The following AGBL4 variants were observed in gnomAD, a reference collection of about 807,000 sequenced individuals.
The protein encoded by AGBL4 is AGBL carboxypeptidase 4.
A neutral mutation model predicts 66.4 loss-of-function variants in AGBL4; 58 were observed. That is an observed-to-expected ratio of 0.87 (90% CI 0.71 to 1.09). AGBL4 has a LOEUF of 1.09. Ranked by LOEUF, AGBL4 falls within the 50% of genes least tolerant of loss-of-function variation. The probability of loss-of-function intolerance (pLI) is 0.00; values close to 1 mark genes in which losing one functional copy is unlikely to be tolerated. For missense variants in AGBL4, 579 were observed against 631.0 expected, an observed-to-expected ratio of 0.92 and a Z score of 0.88; for synonymous variants, 234 against 222.9, an observed-to-expected ratio of 1.05 and a Z score of -0.44.
chr1:49,114,959 G>A (rs578083266), intron 4 of AGBL4, among the ~76,000 whole-genome samples: 32 of 152,218 alleles, frequency 2.1e-4, no homozygotes, highest in Middle Eastern at 6.8e-3. Context: ...GAATTACCAA[G>A]ATGTGACACA....
chr1:49,347,329 G>A (rs1267379672), intron 3 of AGBL4, among the ~76,000 whole-genome samples: 1 of 147,308 alleles, frequency 6.8e-6, no homozygotes, highest in African/African-American at 2.5e-5. Context: ...TCAGCTCACT[G>A]CAAGCTCTGC....
At chr1:49,660,598 T>C (rs1034553768) in intron 3 of AGBL4, among the ~76,000 whole-genome samples, 17 of 152,200 alleles carry the variant, frequency 1.1e-4, no homozygotes, top group Admixed American at 6.5e-5. Context: ...ATCCCATTAC[T>C]GGGTATATAC....
At chr1:49,284,379 A>G (rs1259714640) in intron 3 of AGBL4, among the ~76,000 whole-genome samples, 16 of 152,208 alleles carry the variant, frequency 1.1e-4, no homozygotes, top group Non-Finnish European at 2.9e-5. Context: ...GAAGCGCTAA[A>G]CAGGGAAAGG....
chr1:48,884,246 C>T (rs1364976545), intron 5 of AGBL4, among the ~76,000 whole-genome samples: 1 of 152,198 alleles, frequency 6.6e-6, no homozygotes, highest in African/African-American at 2.4e-5. Flanking sequence ...ACCATTCTCA[C>T]ACAGGTGAGG....
At chr1:49,694,621 G>C (rs1371438290) in intron 3 of AGBL4, among the ~76,000 whole-genome samples, 1 of 152,102 alleles carries the variant, frequency 6.6e-6, no homozygotes, top group Non-Finnish European at 1.5e-5. Context: ...CAACTCTCTT[G>C]TAAGAGTAAC....
chr1:49,230,543 C>T (rs1650233415), intron 4 of AGBL4, among the ~76,000 whole-genome samples: 1 of 152,124 alleles, frequency 6.6e-6, no homozygotes, highest in Non-Finnish European at 1.5e-5. Flanking sequence ...GAAAACTCAC[C>T]CTCTGCCTAG....
intron 3 of AGBL4, among the ~76,000 whole-genome samples, chr1:49,613,964 G>C (rs1173052489): frequency 6.6e-6 from 1 of 152,096 alleles, no homozygotes; most frequent in Non-Finnish European, 1.5e-5. Context: ...GTGAGAAATG[G>C]AAAATATGTT....
chr1:49,372,613 TTCTTTCTTTC>T (rs1272834238), intron 3 of AGBL4, among the ~76,000 whole-genome samples: 33 of 22,962 alleles, frequency 1.4e-3, no homozygotes, highest in African/African-American at 5.9e-3. Context: ...TTCTTTTTCT[TTCTTTCTTTC>T]TTTCTTTCTT....
intron 3 of AGBL4, among the ~76,000 whole-genome samples, chr1:49,336,258 A>T (rs1645435636): frequency 6.6e-6 from 1 of 152,102 alleles, no homozygotes; most frequent in Non-Finnish European, 1.5e-5. Flanking sequence ...TTCCAGTCTG[A>T]CTTTGATCCA....
intron 4 of AGBL4, among the ~76,000 whole-genome samples, chr1:49,162,806 T>C (rs903458310): frequency 1.3e-5 from 2 of 152,152 alleles, no homozygotes; most frequent in African/African-American, 4.8e-5. Flanking sequence ...CTCAATATAA[T>C]TGTGAGATTT....
intron 4 of AGBL4, among the ~76,000 whole-genome samples, chr1:49,111,485 A>C (rs535675197): frequency 6.6e-6 from 1 of 152,264 alleles, no homozygotes; most frequent in African/African-American, 2.4e-5. Flanking sequence ...ATTTGGCATG[A>C]TCTTCTGTGC....
intron 5 of AGBL4, among the ~76,000 whole-genome samples, chr1:48,878,446 T>A: frequency 6.6e-6 from 1 of 152,190 alleles, no homozygotes; most frequent in East Asian, 1.9e-4. Context: ...GTCAGTTAAA[T>A]ACTTTGAAAT....
rs566237477 is a variant in AGBL4 at position 48,881,161 on chromosome 1, T to C, written c.595-13931A>G. On this transcript the variant is annotated intron_variant, in intron 5 of 13. Transcript: ENST00000371839. ...ATTACTCTTTGTTCATATTGCCACA[T>C]TGATTTCCAGTAGGATCACTCCAGT... Among the ~76,000 whole-genome samples the C allele has an allele frequency of 2.3e-4, 35 of 152,312 alleles. No homozygotes were observed. The Middle Eastern group carries it at 0.014, about 59-fold the overall frequency.
chr1:49,504,895 A>G (rs1648535179), intron 3 of AGBL4, among the ~76,000 whole-genome samples: 2 of 151,702 alleles, frequency 1.3e-5, no homozygotes, highest in African/African-American at 4.8e-5. Flanking sequence ...TTGTTTTATT[A>G]TTATTATTTT....
intron 5 of AGBL4, among the ~76,000 whole-genome samples, chr1:48,918,701 T>A (rs567179397): frequency 6.6e-6 from 1 of 152,152 alleles, no homozygotes; most frequent in African/African-American, 2.4e-5. Context: ...TCTTGGACTT[T>A]CAGCCCCCAG....
At chr1:49,185,218 C>G (rs1039638250) in intron 4 of AGBL4, among the ~76,000 whole-genome samples, 1 of 152,158 alleles carries the variant, frequency 6.6e-6, no homozygotes, top group Non-Finnish European at 1.5e-5. Context: ...AGGTCTCTGT[C>G]CCCATAGAAA....
At chr1:49,386,623 A>G (rs1246159172) in intron 3 of AGBL4, among the ~76,000 whole-genome samples, 1 of 152,008 alleles carries the variant, frequency 6.6e-6, no homozygotes, top group Non-Finnish European at 1.5e-5. Flanking sequence ...ACAGTAAAAT[A>G]AAACACATAT....
At chr1:48,742,582 C>A in intron 6 of AGBL4, 1 of 1,463,586 alleles carries the variant, frequency 6.8e-7, no homozygotes, top group Non-Finnish European at 9.1e-7. Context: ...CTCTGACTAA[C>A]AAACACTTGC....
intron 4 of AGBL4, among the ~76,000 whole-genome samples, chr1:49,115,141 T>C (rs1202310073): frequency 6.6e-6 from 1 of 152,178 alleles, no homozygotes; most frequent in African/African-American, 2.4e-5. Context: ...ATATCTGTAG[T>C]TGGTTTATAA....
Sources: gnomAD v4.1 joint callset for allele counts (sites outside exome capture counted in the v4.1 genomes callset) on GRCh38, gnomAD v4.1.1 for gene constraint, MANE v1.5 for transcripts, NCBI Gene and HGNC (gene_info 2026-07-23, HGNC 2026-07-21) for gene names.